Variants in ADAMTSL1 observed in about 807,000 individuals in gnomAD.
The protein encoded by ADAMTSL1 is ADAMTS like 1.
A neutral mutation model predicts 201.8 loss-of-function variants in ADAMTSL1; 126 were observed. That is an observed-to-expected ratio of 0.62 (90% CI 0.54 to 0.72). The LOEUF is 0.72. ADAMTSL1 is among the 30% of genes least tolerant of loss of function. The probability of loss-of-function intolerance (pLI) is 0.00; values close to 1 mark genes in which losing one functional copy is unlikely to be tolerated. For synonymous variants in ADAMTSL1, 1,121 were observed against 903.4 expected, an observed-to-expected ratio of 1.24 and a Z score of -4.32; for missense variants, 2,679 against 2,277.8, an observed-to-expected ratio of 1.18 and a Z score of -3.59.
rs1206469872 is a variant in ADAMTSL1 at position 18,777,205 on chromosome 9, G to A, written c.2976G>A (p.Leu992=). ...AGRKGGPKEA[L]QTHKHQNGIF... ...GGAAGGGCGGCCCGAAGGAGGCCCTGCAGACCCACAAACACCAGAACGGGA... is the reference window on the plus strand; with the variant it reads ...GGAAGGGCGGCCCGAAGGAGGCCCTACAGACCCACAAACACCAGAACGGGA... The change falls in exon 19 of 29, where the codon CTG becomes CTA. Residue 992 remains leucine, a synonymous_variant. Coordinates refer to ENST00000380548, the MANE Select transcript of ADAMTSL1 (RefSeq NM_001040272.6). 6.2e-7 allele frequency: 1 copy of A among 1,612,876 alleles called. No individual in the cohort carries two copies. Among genetic ancestry groups the A allele is most frequent in the East Asian group, 2.2e-5 (1 of 44,868 alleles).
At chr9:17,965,660 T>G (rs1817954314) in intron 1 of ADAMTSL1, among the ~76,000 whole-genome samples, 1 of 152,174 alleles carries the variant, frequency 6.6e-6, no homozygotes, top group African/African-American at 2.4e-5. Flanking sequence ...TTTTGACAAT[T>G]CCTATGACTA....
intron 14 of ADAMTSL1, among the ~76,000 whole-genome samples, chr9:18,709,342 G>T (rs1296684226): frequency 6.6e-6 from 1 of 152,080 alleles, no homozygotes; most frequent in Non-Finnish European, 1.5e-5. Flanking sequence ...CACCCACAAG[G>T]TTATATATAT....
Position 18,765,345 on chromosome 9 carries a change from C to A in ADAMTSL1, c.2218-5257C>A, listed in dbSNP as rs181686530. Among the ~76,000 whole-genome samples the A allele has an allele frequency of 4.6e-5, 7 of 152,164 alleles. No homozygotes were observed. The East Asian group carries it at 1.4e-3, about 29-fold the overall frequency. ...TTATGTCTGAAGGACTCAATAGGAC[C>A]CATGAGGAATCTGAGTGTGAATTAT... is the stretch of plus-strand genomic sequence containing the variant. On this transcript the variant is annotated intron_variant, in intron 16 of 28. Transcript: ENST00000380548.
intron 24 of ADAMTSL1, 149 bp from the exon 25 acceptor site, chr9:18,889,419 G>GAA: frequency 6.0e-6 from 5 of 839,460 alleles, no homozygotes; most frequent in Non-Finnish European, 8.9e-6. Flanking sequence ...ATGGTTCCCT[G>GAA]CGAGGAGCAG....
At chr9:18,746,367 A>G (rs928259175) in intron 15 of ADAMTSL1, among the ~76,000 whole-genome samples, 24 of 152,116 alleles carry the variant, frequency 1.6e-4, no homozygotes, top group African/African-American at 5.8e-4. Flanking sequence ...CTAGTTTATT[A>G]TTGTCAGATT....
At chr9:18,030,000 G>A (rs1820875650) in intron 1 of ADAMTSL1, among the ~76,000 whole-genome samples, 1 of 151,904 alleles carries the variant, frequency 6.6e-6, no homozygotes, top group Non-Finnish European at 1.5e-5. Flanking sequence ...GATTCCTCAG[G>A]GATCTAGAAC....
chr9:18,197,963 A>C, intron 2 of ADAMTSL1, among the ~76,000 whole-genome samples: 1 of 152,104 alleles, frequency 6.6e-6, no homozygotes, highest in Non-Finnish European at 1.5e-5. Context: ...GCATATCTAC[A>C]ACGATCTGAT....
intron 1 of ADAMTSL1, among the ~76,000 whole-genome samples, chr9:18,054,011 T>A (rs1434212460): frequency 6.6e-6 from 1 of 152,234 alleles, no homozygotes; most frequent in Non-Finnish European, 1.5e-5. Context: ...TTCAGAATAT[T>A]TCAGTAGCCT....
chr9:18,344,798 T>C (rs1835627320), intron 2 of ADAMTSL1, among the ~76,000 whole-genome samples: 1 of 152,108 alleles, frequency 6.6e-6, no homozygotes, highest in African/African-American at 2.4e-5. Flanking sequence ...GCGCCAAGTC[T>C]AAACACACCA....
intron 4 of ADAMTSL1, among the ~76,000 whole-genome samples, chr9:18,617,007 A>G (rs1825737189): frequency 6.6e-6 from 1 of 152,210 alleles, no homozygotes; most frequent in Non-Finnish European, 1.5e-5. Context: ...TATAAATAAG[A>G]ACAGCTATGG....
In ADAMTSL1 at chr9:18,484,449, C is replaced by A. The variant is rs535658238; in HGVS notation, c.63+10154C>A. 2.6e-5 allele frequency among the ~76,000 whole-genome samples: 4 copies of A among 152,266 alleles called. No individual in the cohort carries two copies. In the East Asian group the frequency reaches 5.8e-4, roughly 22 times the overall value. ...TAAAGATTTATATTTAAGGTCATTT[C>A]TTTGACTTTTGCTTCTTTTTCCTGA... is the stretch of plus-strand genomic sequence containing the variant. On this transcript the variant is annotated intron_variant, in intron 1 of 28. Coordinates refer to ENST00000380548, the MANE Select transcript of ADAMTSL1 (RefSeq NM_001040272.6).
chr9:17,988,366 C>T (rs1284118863), intron 1 of ADAMTSL1, among the ~76,000 whole-genome samples: 1 of 152,004 alleles, frequency 6.6e-6, no homozygotes, highest in South Asian at 2.1e-4. Flanking sequence ...ACCTCAATAA[C>T]AATTCTTTTC....
chr9:18,288,330 C>G (rs961219836), intron 2 of ADAMTSL1, among the ~76,000 whole-genome samples: 1 of 152,136 alleles, frequency 6.6e-6, no homozygotes, highest in African/African-American at 2.4e-5. Flanking sequence ...GAGAAATCCT[C>G]TGGAGAAGGT....
chr9:18,508,712 A>C (rs1189104042), intron 2 of ADAMTSL1, among the ~76,000 whole-genome samples: 1 of 152,206 alleles, frequency 6.6e-6, no homozygotes, highest in South Asian at 2.1e-4. Context: ...TTTCATTAAA[A>C]TACATAACTC....
At chr9:18,639,200 C>G (rs764833628) in intron 6 of ADAMTSL1, 54 bp from the exon 7 acceptor site, 171 of 1,566,838 alleles carry the variant, frequency 1.1e-4, no homozygotes, top group Non-Finnish European at 1.4e-4. Flanking sequence ...ATGTGCTTGC[C>G]TGTGGTTGCC....
At chr9:18,156,422 C>G (rs1264934041) in intron 1 of ADAMTSL1, among the ~76,000 whole-genome samples, 1 of 151,968 alleles carries the variant, frequency 6.6e-6, no homozygotes, top group Non-Finnish European at 1.5e-5. Flanking sequence ...TTAGATAAGC[C>G]TAGATAATGA....
At chr9:18,128,062 T>C (rs990932011) in intron 1 of ADAMTSL1, among the ~76,000 whole-genome samples, 2 of 152,206 alleles carry the variant, frequency 1.3e-5, no homozygotes, top group African/African-American at 4.8e-5. Flanking sequence ...AATTTTTGTC[T>C]AACAAATGAC....
chr9:18,049,607 C>T (rs1821830848), intron 1 of ADAMTSL1, among the ~76,000 whole-genome samples: 1 of 150,190 alleles, frequency 6.7e-6, no homozygotes, highest in Non-Finnish European at 1.5e-5. Flanking sequence ...TTCCTGTCTT[C>T]GACTTCTTAT....
intron 1 of ADAMTSL1, among the ~76,000 whole-genome samples, chr9:18,078,831 A>C (rs1272449991): frequency 6.6e-6 from 1 of 152,134 alleles, no homozygotes; most frequent in Non-Finnish European, 1.5e-5. Context: ...TGGACCCTCA[A>C]AAAAAGGCAA....
Sources: gnomAD v4.1 joint callset for allele counts (sites outside exome capture counted in the v4.1 genomes callset) on GRCh38, gnomAD v4.1.1 for gene constraint, MANE v1.5 for transcripts, NCBI Gene and HGNC (gene_info 2026-07-23, HGNC 2026-07-21) for gene names.